STPG2: variants seen among roughly 807,000 people sequenced by gnomAD.
STPG2 encodes the protein sperm-tail PG-rich repeat-containing protein 2.
A neutral mutation model predicts 54.2 loss-of-function variants in STPG2; 56 were observed. The observed-to-expected ratio is 1.03, with a 90% CI of 0.83 to 1.29. The LOEUF (loss-of-function observed/expected upper bound fraction) is 1.29. Among genes scored for constraint, STPG2 ranks in the 50% most tolerant of loss-of-function variants. The pLI, the probability that STPG2 is intolerant of heterozygous loss-of-function variation, is 0.00. For synonymous variants in STPG2, 200 were observed against 181.8 expected (o/e 1.10, Z -0.81); for missense variants, 596 against 544.9 (o/e 1.09, Z -0.93).
At chr4:98,096,269 T>C (rs1219964263) in intron 5 of STPG2, among the ~76,000 whole-genome samples, 1 of 151,924 alleles carries the variant, frequency 6.6e-6, no homozygotes, top group African/African-American at 2.4e-5. Flanking sequence ...TGGCAGCATA[T>C]ACCTGTAGTC....
chr4:97,626,958 G>A (rs1191568234), intron 10 of STPG2, among the ~76,000 whole-genome samples: 1 of 151,642 alleles, frequency 6.6e-6, no homozygotes, highest in African/African-American at 2.4e-5. Context: ...CTATGTTGTC[G>A]ACATCATCTT....
intron 9 of STPG2, among the ~76,000 whole-genome samples, chr4:97,753,865 T>C (rs931183826): frequency 2.6e-5 from 4 of 151,880 alleles, no homozygotes; most frequent in Admixed American, 6.6e-5. Flanking sequence ...GTTGTTTTTG[T>C]TGTTGTTGTT....
At position 97,451,429 on chromosome 4, in the gene STPG2, G is replaced by A. The variant is rs1245189261; in HGVS notation, c.462+261270C>T. 2.6e-5 allele frequency among the ~76,000 whole-genome samples: 4 copies of A among 152,220 alleles called. No individual in the cohort carries two copies. The South Asian group carries it at 8.3e-4, about 32-fold the overall frequency. On this transcript the variant is annotated intron_variant, in intron 4 of 4. Transcript: ENST00000522676. Reference sequence around the variant, plus strand: ...GAGGAGAGGAGAGGAGAGGAAAGGAGAGGAGGTAGAACAGCAATGAACTTC... The same window carrying A: ...GAGGAGAGGAGAGGAGAGGAAAGGAAAGGAGGTAGAACAGCAATGAACTTC...
intron 8 of STPG2, among the ~76,000 whole-genome samples, chr4:97,932,462 A>T (rs189685185): frequency 1.3e-5 from 2 of 152,094 alleles, no homozygotes; most frequent in Non-Finnish European, 2.9e-5. Context: ...CTATCTACTC[A>T]TCAACTAGGT....
At chr4:97,508,091 T>C (rs555463268) in intron 4 of STPG2, among the ~76,000 whole-genome samples, 360 of 152,132 alleles carry the variant, frequency 2.4e-3, no homozygotes, top group Non-Finnish European at 4.2e-3. Flanking sequence ...AGTCACCTTA[T>C]TTCTATCATT....
intron 9 of STPG2, among the ~76,000 whole-genome samples, chr4:97,726,994 A>G (rs1335710858): frequency 2.0e-5 from 3 of 151,912 alleles, no homozygotes; most frequent in Non-Finnish European, 4.4e-5. Context: ...TTCTAAAACT[A>G]TATGTTCTGT....
chr4:97,927,565 TATA>T (rs1032772590), intron 8 of STPG2, among the ~76,000 whole-genome samples: 3 of 152,126 alleles, frequency 2.0e-5, no homozygotes, highest in African/African-American at 2.4e-5. Context: ...TTATATACCT[TATA>T]ATAACATCCG....
At chr4:97,634,213 C>T (rs1330017731) in intron 10 of STPG2, among the ~76,000 whole-genome samples, 2 of 152,156 alleles carry the variant, frequency 1.3e-5, no homozygotes, top group Non-Finnish European at 2.9e-5. Context: ...AACTGGGAGG[C>T]ACCCTCCAGC....
intron 9 of STPG2, among the ~76,000 whole-genome samples, chr4:97,810,626 A>T (rs1481937120): frequency 1.3e-5 from 2 of 152,170 alleles, no homozygotes; most frequent in Non-Finnish European, 2.9e-5. Flanking sequence ...CCAGGAACTC[A>T]CAGTGCCTGG....
intron 8 of STPG2, among the ~76,000 whole-genome samples, chr4:97,842,726 A>G (rs888519195): frequency 2.6e-5 from 4 of 151,920 alleles, no homozygotes; most frequent in Non-Finnish European, 4.4e-5. Context: ...CACACCTGGA[A>G]AAGTTTGTCA....
intron 7 of STPG2, among the ~76,000 whole-genome samples, chr4:97,957,017 T>C (rs1733696860): frequency 1.3e-5 from 2 of 152,028 alleles, no homozygotes; most frequent in Non-Finnish European, 2.9e-5. Flanking sequence ...AGGAAAGTTA[T>C]TAAGCTAATC....
downstream of STPG2, among the ~76,000 whole-genome samples, chr4:97,558,445 C>T (rs545681749): frequency 2.6e-5 from 4 of 152,272 alleles, no homozygotes; most frequent in East Asian, 7.7e-4. Flanking sequence ...TCTGAGAATA[C>T]ATTACAAAAA....
chr4:97,640,746 T>G (rs1721740696), intron 10 of STPG2, among the ~76,000 whole-genome samples: 1 of 151,396 alleles, frequency 6.6e-6, no homozygotes, highest in South Asian at 2.1e-4. Flanking sequence ...CATATAAAAT[T>G]GTTAAACTTT....
intron 4 of STPG2, among the ~76,000 whole-genome samples, chr4:97,504,607 C>G (rs1229033161): frequency 6.6e-6 from 1 of 151,926 alleles, no homozygotes; most frequent in East Asian, 1.9e-4. Flanking sequence ...AAACTTTCCA[C>G]TCTTTAAAAT....
intron 5 of STPG2, among the ~76,000 whole-genome samples, chr4:98,020,776 T>G (rs1012430787): frequency 6.6e-6 from 1 of 152,242 alleles, no homozygotes. Context: ...AATTTATCCA[T>G]TTCTTCAAGA....
chr4:97,883,496 A>T (rs1279673026), intron 8 of STPG2, among the ~76,000 whole-genome samples: 1 of 152,178 alleles, frequency 6.6e-6, no homozygotes, highest in Non-Finnish European at 1.5e-5. Context: ...ATAACCAATG[A>T]TAAAGCCTTT....
intron 8 of STPG2, among the ~76,000 whole-genome samples, chr4:97,867,530 A>G (rs1729835549): frequency 6.6e-6 from 1 of 152,040 alleles, no homozygotes. Context: ...CTTACTTCAA[A>G]TCTATCTTCC....
chr4:97,987,742 A>G (rs978377584), intron 5 of STPG2, among the ~76,000 whole-genome samples: 2 of 152,088 alleles, frequency 1.3e-5, no homozygotes, highest in Admixed American at 6.5e-5. Context: ...CTATCATTAT[A>G]TCCTGTCATT....
intron 9 of STPG2, among the ~76,000 whole-genome samples, chr4:97,775,676 A>C (rs1726353924): frequency 6.6e-6 from 1 of 152,232 alleles, no homozygotes; most frequent in African/African-American, 2.4e-5. Flanking sequence ...ACAACAAAGC[A>C]AAACAAATCC....
Sources: allele counts gnomAD v4.1 joint callset (sites outside exome capture counted in the v4.1 genomes callset), GRCh38; gene constraint gnomAD v4.1.1; transcripts MANE v1.5; gene names NCBI Gene and HGNC (gene_info 2026-07-23, HGNC 2026-07-21).